TRIM22: variants seen among roughly 807,000 people sequenced by gnomAD.
TRIM22 encodes E3 ubiquitin-protein ligase TRIM22.
Under a neutral mutation model 53.6 loss-of-function variants are expected in TRIM22, and 45 were observed. That is an observed-to-expected ratio of 0.84 (90% CI 0.66 to 1.08). TRIM22 has a LOEUF of 1.08. TRIM22 is among the 50% of genes least tolerant of loss of function. The pLI is 0.00. For synonymous variants in TRIM22, 225 were observed against 216.6 expected, an observed-to-expected ratio of 1.04 and a Z score of -0.34; for missense variants, 616 against 590.9, an observed-to-expected ratio of 1.04 and a Z score of -0.44.
chr11:5,706,501 T>C, intron 4 of TRIM22, 93 bp from the exon 5 acceptor site: 4 of 1,161,396 alleles, frequency 3.4e-6, no homozygotes, highest in Middle Eastern at 2.0e-4. Context: ...ACAAAAAATA[T>C]ATTGTTTATC....
intron 5 of TRIM22, among the ~76,000 whole-genome samples, chr11:5,707,912 A>C (rs1267110944): frequency 6.6e-6 from 1 of 152,230 alleles, no homozygotes; most frequent in Admixed American, 6.5e-5. Context: ...ATTGCATTTT[A>C]AAAGTAAGAA....
At position 5,696,071 on chromosome 11, in the gene TRIM22, G is replaced by A. The variant is rs1177388694; in HGVS notation, c.-66-96G>A. ...CATGCCTTTCTTTTCTCCTTTCTCTGTTAAATATTAATGTTTTGTCCTGTT... is the reference window on the plus strand; with the variant it reads ...CATGCCTTTCTTTTCTCCTTTCTCTATTAAATATTAATGTTTTGTCCTGTT... On this transcript the variant is annotated intron_variant, in intron 1 of 7. Coordinates refer to ENST00000379965, the MANE Select transcript of TRIM22 (RefSeq NM_006074.5). 2 of 568,838 alleles carry A rather than the reference G, an allele frequency of 3.5e-6. 1 individual carries two copies. Among genetic ancestry groups the A allele is most frequent in the Non-Finnish European group, 5.9e-6 (2 of 337,396 alleles). 35.2% of individuals were successfully genotyped at this position (568,838 alleles called of 1,614,324 possible).
At chr11:5,691,727 G>C (rs11038733) in intron 1 of TRIM22, among the ~76,000 whole-genome samples, 17 of 152,194 alleles carry the variant, frequency 1.1e-4, no homozygotes, top group Non-Finnish European at 2.1e-4. Context: ...GCTAAGGCAA[G>C]GAGTTGGTAA....
At chr11:5,693,459 G>A (rs1234707836) in intron 1 of TRIM22, among the ~76,000 whole-genome samples, 2 of 151,706 alleles carry the variant, frequency 1.3e-5, no homozygotes, top group Admixed American at 1.3e-4. Context: ...GGTGGCTCAC[G>A]CCAGTAATCC....
intron 3 of TRIM22, 114 bp downstream of exon 3, chr11:5,697,457 G>A (rs753040398): frequency 1.3e-4 from 90 of 707,042 alleles, no homozygotes; most frequent in Non-Finnish European, 1.9e-4. Context: ...AAGCATAGAA[G>A]TCATTTGATT....
At chr11:5,697,485 C>T (rs1564940425) in intron 3 of TRIM22, 142 bp downstream of exon 3, 1 of 563,330 alleles carries the variant, frequency 1.8e-6, no homozygotes, top group Non-Finnish European at 3.1e-6. Context: ...AATTTAACTC[C>T]TTCCCTGTTG....
At chr11:5,704,993 TTGTC>T (rs1343228456) in intron 4 of TRIM22, among the ~76,000 whole-genome samples, 4 of 152,162 alleles carry the variant, frequency 2.6e-5, no homozygotes, top group African/African-American at 9.7e-5. Context: ...CAATATTTGT[TTGTC>T]TGTCTAACCT....
chr11:5,708,466 T>G (rs1215846706), intron 6 of TRIM22, 111 bp from the exon 7 acceptor site: 10 of 1,128,096 alleles, frequency 8.9e-6, no homozygotes, highest in Non-Finnish European at 9.0e-6. Flanking sequence ...CATTCACCAG[T>G]GCAAAGAATC....
chr11:5,701,444 T>C (rs1397781711), intron 4 of TRIM22, among the ~76,000 whole-genome samples: 3 of 152,250 alleles, frequency 2.0e-5, no homozygotes, highest in Non-Finnish European at 4.4e-5. Context: ...ATGAGTTCAA[T>C]TGTTTACATT....
Position 5,709,318 on chromosome 11 carries a change from T to A in TRIM22, c.1167T>A (p.Asp389Glu). 1 of 1,614,124 alleles carries A rather than the reference T, an allele frequency of 6.2e-7. No individual in the cohort carries two copies. The highest frequency in any genetic ancestry group is 8.5e-7 in the Non-Finnish European group (1 of 1,180,024). The change falls in exon 8 of 8, where the codon GAT (aspartate) becomes GAA (glutamate). Residue 389 changes from aspartate (D) to glutamate (E), a missense_variant. Asp to Glu is a conservative substitution (Grantham distance 45, BLOSUM62 2). Transcript: ENST00000379965. ...GGAAGAGCTCTGGGTTTGCTTTTGA[T>A]CCAAGTGTAAATTATTCAAAAGTTT... ...NKRKSSGFAF[D>E]PSVNYSKVYS...
intron 5 of TRIM22, 65 bp downstream of exon 5, chr11:5,706,681 C>A: frequency 1.4e-6 from 2 of 1,475,108 alleles, no homozygotes; most frequent in South Asian, 1.3e-5. Flanking sequence ...TGAGAGATAT[C>A]TTCCTTCAAT....
At chr11:5,699,723 CCT>C (rs1491305629) in intron 4 of TRIM22, among the ~76,000 whole-genome samples, 1 of 139,272 alleles carries the variant, frequency 7.2e-6, no homozygotes, top group Non-Finnish European at 1.5e-5. Flanking sequence ...TTGATTATTT[CCT>C]TTTTTTTTTT....
Position 5,710,393 on chromosome 11 carries a change from G to A in TRIM22, c.*745G>A, listed in dbSNP as rs1157685258. ...TAAAAGATTGAAGAAAGAGAAACTT[G>A]TCAACTCATATCCACGTTATCTAGC... On this transcript the variant is annotated 3_prime_UTR_variant, in exon 8 of 8. Coordinates refer to ENST00000379965, the MANE Select transcript of TRIM22 (RefSeq NM_006074.5). 1 of 152,122 alleles carries A rather than the reference G, an allele frequency of 6.6e-6. No individual in the cohort carries two copies. Among genetic ancestry groups the A allele is most frequent in the African/African-American group, 2.4e-5 (1 of 41,422 alleles). 9.4% of individuals were successfully genotyped at this position (152,122 alleles called of 1,614,324 possible).
At chr11:5,692,808 A>AAAAT (rs58153163) in intron 1 of TRIM22, among the ~76,000 whole-genome samples, 1 of 145,524 alleles carries the variant, frequency 6.9e-6, no homozygotes, top group Non-Finnish European at 1.5e-5. Context: ...AAAAAAAAAA[A>AAAAT]AGATATTGAT....
intron 1 of TRIM22, among the ~76,000 whole-genome samples, chr11:5,694,990 T>C (rs1405643797): frequency 2.6e-5 from 4 of 152,200 alleles, no homozygotes; most frequent in Non-Finnish European, 5.9e-5. Flanking sequence ...TCTAATCATC[T>C]ATGGAGGGAT....
intron 5 of TRIM22, among the ~76,000 whole-genome samples, chr11:5,707,404 T>C (rs1450787242): frequency 6.6e-6 from 1 of 152,198 alleles, no homozygotes; most frequent in African/African-American, 2.4e-5. Context: ...GCCTCCTTAA[T>C]GACCACCTGT....
intron 4 of TRIM22, among the ~76,000 whole-genome samples, chr11:5,705,832 T>C (rs1170952104): frequency 6.6e-6 from 1 of 152,160 alleles, no homozygotes; most frequent in Non-Finnish European, 1.5e-5. Context: ...AAATAGTAAG[T>C]TACATTTAAG....
intron 2 of TRIM22, chr11:5,696,928 A>G (rs1853273910): frequency 5.8e-6 from 3 of 517,042 alleles, no homozygotes; most frequent in South Asian, 3.0e-5. Flanking sequence ...TCCAAGAAGA[A>G]CAGTATTTTT....
chr11:5,699,387 G>A (rs955336224), intron 4 of TRIM22, among the ~76,000 whole-genome samples: 17 of 143,812 alleles, frequency 1.2e-4, no homozygotes, highest in East Asian at 2.0e-4. Context: ...AGCCGGGCGC[G>A]GTGGCGGGCG....
Sources: allele counts gnomAD v4.1 joint callset (sites outside exome capture counted in the v4.1 genomes callset), GRCh38; gene constraint gnomAD v4.1.1; transcripts MANE v1.5; gene names NCBI Gene and HGNC (gene_info 2026-07-23, HGNC 2026-07-21).